Variants in CDC40 observed in about 807,000 individuals in gnomAD.
CDC40 encodes cell division cycle 40.
Under a neutral mutation model 80.6 loss-of-function variants are expected in CDC40, and 27 were observed. The observed-to-expected ratio is 0.33, with a 90% CI of 0.25 to 0.46. The LOEUF (loss-of-function observed/expected upper bound fraction) is 0.46. CDC40 is among the 20% of genes least tolerant of loss of function. The probability of loss-of-function intolerance (pLI) is 1.00; values close to 1 mark genes in which losing one functional copy is unlikely to be tolerated. For synonymous variants in CDC40, 221 were observed against 232.6 expected (o/e 0.95, Z 0.45); for missense variants, 486 against 694.1 (o/e 0.70, Z 3.37).
intron 1 of CDC40, among the ~76,000 whole-genome samples, chr6:110,189,054 T>C (rs981128740): frequency 6.6e-6 from 1 of 152,182 alleles, no homozygotes; most frequent in African/African-American, 2.4e-5. Context: ...CTGCCAGTGA[T>C]TTTTTAATTT....
intron 1 of CDC40, among the ~76,000 whole-genome samples, chr6:110,188,552 T>A (rs894349519): frequency 2.0e-5 from 3 of 152,192 alleles, no homozygotes; most frequent in African/African-American, 7.2e-5. Flanking sequence ...AGAACATCCC[T>A]GTTCATCACC....
intron 13 of CDC40, among the ~76,000 whole-genome samples, chr6:110,227,622 G>A (rs958783341): frequency 6.6e-6 from 1 of 152,062 alleles, no homozygotes; most frequent in African/African-American, 2.4e-5. Context: ...GTATCCATGA[G>A]CACCATATCC....
intron 2 of CDC40, among the ~76,000 whole-genome samples, chr6:110,199,892 C>G (rs1402036605): frequency 2.0e-5 from 3 of 151,968 alleles, no homozygotes; most frequent in Non-Finnish European, 4.4e-5. Flanking sequence ...TGATAGCTGA[C>G]CGTAGCGGGT....
rs1302611487 is a variant in CDC40, at chr6:110,229,936, T to A, written c.1563-18T>A. 3.2e-6 allele frequency: 5 copies of A among 1,539,772 alleles called. No individual in the cohort carries two copies. In the East Asian group the frequency reaches 6.8e-5, roughly 21 times the overall value. ...AAGGTATTTTAATAATTTGAATTTA[T>A]CTTTCTTCCCATTATAGTTATGTGA... On this transcript the variant is annotated intron_variant, in intron 14 of 14. Transcript: ENST00000307731.
intron 11 of CDC40, 118 bp from the exon 12 acceptor site, chr6:110,219,618 A>C (rs1777742479): frequency 3.1e-6 from 4 of 1,306,984 alleles, no homozygotes; most frequent in African/African-American, 1.5e-5. Context: ...TAGCAGAAAA[A>C]TTTACATTTA....
chr6:110,207,080 C>T (rs7763743), intron 3 of CDC40, among the ~76,000 whole-genome samples: 12,991 of 151,932 alleles, frequency 0.086, 866 homozygotes, highest in African/African-American at 0.19. Flanking sequence ...TTTGGGAGGC[C>T]AAGGCGGTGG....
intron 5 of CDC40, among the ~76,000 whole-genome samples, 177 bp from the exon 6 acceptor site, chr6:110,210,530 C>T (rs958684576): frequency 7.7e-6 from 1 of 130,528 alleles, no homozygotes; most frequent in Admixed American, 8.8e-5. Context: ...CCAGCCTGGG[C>T]GACAGTGCGA....
At chr6:110,213,452 C>T (rs1316115404) in intron 8 of CDC40, among the ~76,000 whole-genome samples, 2 of 149,484 alleles carry the variant, frequency 1.3e-5, no homozygotes, top group Non-Finnish European at 3.0e-5. Flanking sequence ...TGCAGTGGCA[C>T]GACCTCAGCT....
At chr6:110,229,808 G>A (rs1467153810) in intron 14 of CDC40, 146 bp from the exon 15 acceptor site, 4 of 553,610 alleles carry the variant, frequency 7.2e-6, no homozygotes, top group Non-Finnish European at 1.3e-5. Flanking sequence ...ACTGCTTCAT[G>A]TTCTACCATC....
chr6:110,194,922 T>C (rs140815978), intron 2 of CDC40, among the ~76,000 whole-genome samples: 6 of 152,368 alleles, frequency 3.9e-5, no homozygotes, highest in Admixed American at 3.9e-4. Context: ...GTTAAAATTT[T>C]TTTGTCGTTC....
rs1230694166 is a variant in CDC40, at chr6:110,230,950, T to C, written c.*819T>C. ...TGCTTCGCAGCTGTGATTACTGAAA[T>C]CCTCCTCATAGGAGATAAAGTACGA... is the stretch of plus-strand genomic sequence containing the variant. On this transcript the variant is annotated 3_prime_UTR_variant, in exon 15 of 15. Coordinates refer to ENST00000307731, the MANE Select transcript of CDC40 (RefSeq NM_015891.3). 1 of 152,236 alleles carries C rather than the reference T, an allele frequency of 6.6e-6. No individual in the cohort carries two copies. Among genetic ancestry groups the C allele is most frequent in the Non-Finnish European group, 1.5e-5 (1 of 68,038 alleles). 9.4% of individuals were successfully genotyped at this position (152,236 alleles called of 1,614,324 possible). A position where few individuals can be genotyped will look rare whatever the true frequency, so the allele number is the denominator to read the frequency against.
chr6:110,215,353 A>G (rs1325551841), intron 9 of CDC40, 22 bp downstream of exon 9: 2 of 1,598,702 alleles, frequency 1.3e-6, no homozygotes, highest in East Asian at 2.2e-5. Context: ...TTTCTCTCCA[A>G]CATAAATCTG....
chr6:110,192,551 T>C (rs1777365491), intron 1 of CDC40, among the ~76,000 whole-genome samples: 1 of 152,178 alleles, frequency 6.6e-6, no homozygotes, highest in African/African-American at 2.4e-5. Context: ...TATACAAGTC[T>C]CTAGAAATCA....
At chr6:110,193,636 A>C (rs902051938) in intron 2 of CDC40, among the ~76,000 whole-genome samples, 2 of 152,004 alleles carry the variant, frequency 1.3e-5, no homozygotes, top group African/African-American at 4.8e-5. Flanking sequence ...CAATCTCCTG[A>C]CCTCATGATC....
chr6:110,227,018 A>T (rs1041419502), intron 13 of CDC40, among the ~76,000 whole-genome samples: 1 of 152,158 alleles, frequency 6.6e-6, no homozygotes, highest in African/African-American at 2.4e-5. Context: ...CTAAAAAAAA[A>T]AATAGTAATA....
At chr6:110,181,350 G>C (rs998171443) in intron 1 of CDC40, among the ~76,000 whole-genome samples, 1 of 152,192 alleles carries the variant, frequency 6.6e-6, no homozygotes, top group Non-Finnish European at 1.5e-5. Context: ...AGAGCCTAGT[G>C]GGTTTGAAGA....
At chr6:110,191,666 C>T (rs923997586) in intron 1 of CDC40, among the ~76,000 whole-genome samples, 1 of 152,140 alleles carries the variant, frequency 6.6e-6, no homozygotes, top group Admixed American at 6.5e-5. Flanking sequence ...AGTATAGAGA[C>T]CCCAAGGCAG....
At chr6:110,199,453 G>A (rs1056580301) in intron 2 of CDC40, among the ~76,000 whole-genome samples, 34 of 151,720 alleles carry the variant, frequency 2.2e-4, no homozygotes, top group African/African-American at 8.3e-4. Context: ...AATTAGCCGG[G>A]TGTGGTGGTG....
At chr6:110,185,244 T>TTTC (rs1777250709) in intron 1 of CDC40, among the ~76,000 whole-genome samples, 1 of 141,930 alleles carries the variant, frequency 7.0e-6, no homozygotes, top group African/African-American at 2.7e-5. Context: ...TTTTTTTCTT[T>TTTC]TTTTTTTTTT....
Sources: gnomAD v4.1 joint callset for allele counts (sites outside exome capture counted in the v4.1 genomes callset) on GRCh38, gnomAD v4.1.1 for gene constraint, MANE v1.5 for transcripts, NCBI Gene and HGNC (gene_info 2026-07-23, HGNC 2026-07-21) for gene names.